ZSCAN5C: variants seen among roughly 807,000 people sequenced by gnomAD.
ZSCAN5C encodes the protein zinc finger and SCAN domain-containing protein 5C.
Under a neutral mutation model 17.3 loss-of-function variants are expected in ZSCAN5C, and 11 were observed. The ratio of observed to expected loss-of-function variants is 0.64; its 90% CI spans 0.40 to 1.06. The LOEUF (loss-of-function observed/expected upper bound fraction) is 1.06. ZSCAN5C is among the 50% of genes least tolerant of loss of function. The pLI is 0.00. For missense variants in ZSCAN5C, 698 were observed against 538.9 expected (o/e 1.30, Z -2.92); for synonymous variants, 229 against 208.4 (o/e 1.10, Z -0.85).
exon 3 of ZSCAN5C, chr19:56,207,229 C>A: frequency 1.3e-6 from 1 of 779,098 alleles, no homozygotes. Context: ...AGCTGCAGAC[C>A]CTGCCCAGGG....
chr19:56,205,114 C>A (rs754517811), intron 1 of ZSCAN5C, among the ~76,000 whole-genome samples: 12 of 151,510 alleles, frequency 7.9e-5, no homozygotes, highest in Non-Finnish European at 1.8e-4. Flanking sequence ...GGATGGGGTT[C>A]CTTTTAGGGT....
exon 2 of ZSCAN5C, chr19:56,205,917 G>A (rs2032914823): frequency 1.7e-6 from 2 of 1,159,008 alleles, no homozygotes; most frequent in South Asian, 1.2e-5. Flanking sequence ...AGTAGACATG[G>A]CTGCAAATTG....
chr19:56,208,025 C>T lies in ZSCAN5C; in HGVS notation c.589-9C>T. On this transcript the variant is annotated splice_polypyrimidine_tract_variant and intron_variant, in intron 3 of 4. Transcript: ENST00000534327. ...ATGGCAGTCATTGCTGTTGGTTTTCCATTCTCAGGAAGAGGACTTCCTGCT... is the reference window on the plus strand; with the variant it reads ...ATGGCAGTCATTGCTGTTGGTTTTCTATTCTCAGGAAGAGGACTTCCTGCT... 1.4e-6 allele frequency: 1 copy of T among 715,704 alleles called. No individual in the cohort carries two copies. Among genetic ancestry groups the T allele is most frequent in the Non-Finnish European group, 2.6e-6 (1 of 388,982 alleles). 44.3% of individuals were successfully genotyped at this position (715,704 alleles called of 1,614,324 possible). A position where few individuals can be genotyped will look rare whatever the true frequency, so the allele number is the denominator to read the frequency against.
At chr19:56,205,831 T>C in exon 2 of ZSCAN5C, 1 of 631,420 alleles carries the variant, frequency 1.6e-6, no homozygotes, top group Non-Finnish European at 2.8e-6. Flanking sequence ...AAACCAGGGG[T>C]GGCCTGTGTA....
chr19:56,206,825 C>A (rs1209852804), intron 2 of ZSCAN5C, among the ~76,000 whole-genome samples: 1 of 127,360 alleles, frequency 7.9e-6, no homozygotes, highest in African/African-American at 2.7e-5. Flanking sequence ...TTGGATTCAC[C>A]CAGAATATTT....
rs45622531 is a variant in ZSCAN5C, at chr19:56,209,018, G to C, written c.1309G>C (p.Glu437Gln). 3.4e-3 allele frequency: 5,495 copies of C among 1,612,980 alleles called. 19 individuals are homozygous for C. Among genetic ancestry groups the C allele is most frequent in the Non-Finnish European group, 4.0e-3 (4,730 of 1,179,220 alleles). ...GTGTCACAAGAGAAGCCACACAGGG[G>C]AGAAGCCCTTCGAATGTAAAGACTG... is the stretch of plus-strand genomic sequence containing the variant. Residue 437 changes from glutamate (E) to glutamine (Q), a missense_variant, in exon 5 of 5, where the codon GAG (glutamate) becomes CAG (glutamine). Transcript: ENST00000534327.
chr19:56,207,527 G>A (rs901863688), intron 3 of ZSCAN5C, among the ~76,000 whole-genome samples: 6 of 151,656 alleles, frequency 4.0e-5, no homozygotes, highest in South Asian at 2.1e-4. Flanking sequence ...AGTTGGCACA[G>A]ATGAATGAAC....
exon 2 of ZSCAN5C, chr19:56,206,003 A>C (rs779884935): frequency 6.2e-7 from 1 of 1,605,210 alleles, no homozygotes; most frequent in East Asian, 2.2e-5. Flanking sequence ...CATCCCCAGC[A>C]ACTCAACTTG....
intron 3 of ZSCAN5C, among the ~76,000 whole-genome samples, chr19:56,207,580 G>A (rs931778986): frequency 3.3e-5 from 5 of 151,834 alleles, no homozygotes; most frequent in Non-Finnish European, 7.3e-5. Context: ...GACATTTAAT[G>A]TAATAATTCA....
At chr19:56,206,010 C>A in exon 2 of ZSCAN5C, 2 of 1,610,408 alleles carry the variant, frequency 1.2e-6, no homozygotes, top group African/African-American at 1.3e-5. Context: ...AGCAACTCAA[C>A]TTGGAAATCA....
In ZSCAN5C at chr19:56,204,889, T is replaced by C. The variant is rs533072963; in HGVS notation, c.-127-898T>C. Among the ~76,000 whole-genome samples, 571 of 150,956 alleles carry C rather than the reference T, an allele frequency of 3.8e-3. 3 individuals carry two copies. Among genetic ancestry groups the C allele is most frequent in the Admixed American group, 6.7e-3 (102 of 15,170 alleles). On this transcript the variant is annotated intron_variant, in intron 1 of 4. Coordinates refer to ENST00000534327, the Ensembl canonical transcript of ZSCAN5C. ...GTGATAATTGATGCCTGGAGAGTAT[T>C]ACTCAGTGGCTCTTGCCTAATGAAG...
rs771189828 is a variant in ZSCAN5C at position 56,206,080 on chromosome 19, C to T, written c.167C>T (p.Ser56Leu). Residue 56 changes from serine (S) to leucine (L), a missense_variant, in exon 2 of 5, where the codon TCG becomes TTG. Physicochemically the swap from Ser to Leu is moderately radical, Grantham distance 145 (BLOSUM62 -2). Around this residue, in one of 3 missense-constraint regions of ZSCAN5C, gnomAD observed 100 missense variants for 74.6 expected, o/e 1.34. Transcript: ENST00000534327. ...AGGATGTTCAGCTGCCCGAAGGAGT[C>T]GGACCCCATCCAGGCTCTGAGGAAA... is the stretch of plus-strand genomic sequence containing the variant. The T allele has an allele frequency of 2.9e-5, 47 of 1,611,004 alleles. 1 individual carries two copies. In the African/African-American group the frequency reaches 3.6e-4, roughly 12 times the overall value.
intron 1 of ZSCAN5C, among the ~76,000 whole-genome samples, chr19:56,204,706 G>A (rs1023668841): frequency 6.6e-6 from 1 of 151,834 alleles, no homozygotes; most frequent in African/African-American, 2.4e-5. Flanking sequence ...CTTGCTCAAA[G>A]TCCTTCCAGG....
At chr19:56,207,089 C>T (rs2032929725) in exon 3 of ZSCAN5C, 1 of 740,176 alleles carries the variant, frequency 1.4e-6, no homozygotes, top group Non-Finnish European at 2.5e-6. Context: ...CAAGGAATAT[C>T]TTATGCAGGA....
Position 56,208,731 on chromosome 19 carries a change from C to G in ZSCAN5C, c.1022C>G (p.Pro341Arg). ...GTTCATTCCCCAGGCCCTGCGGGCC[C>G]AGTCAGTCACCCCAGTGGCCAAGAA... Residue 341 changes from proline to arginine, a missense_variant, in exon 5 of 5, where the codon CCA becomes CGA. Transcript: ENST00000534327. 3 of 1,611,564 alleles carry G rather than the reference C, an allele frequency of 1.9e-6. No homozygotes were observed. In the South Asian group the frequency reaches 3.3e-5, roughly 18 times the overall value.
intron 1 of ZSCAN5C, 51 bp from the exon 2 acceptor site, chr19:56,205,736 G>C (rs1468268438): frequency 1.8e-6 from 1 of 570,420 alleles, no homozygotes; most frequent in Non-Finnish European, 3.1e-6. Flanking sequence ...TGGAAGGATG[G>C]GGTGGGTAGA....
exon 4 of ZSCAN5C, chr19:56,208,184 A>G: frequency 1.3e-6 from 1 of 778,596 alleles, no homozygotes; most frequent in Non-Finnish European, 2.4e-6. Context: ...AAACAGTCCC[A>G]GTAAGTATGA....
chr19:56,207,064 A>G (rs779444810), exon 3 of ZSCAN5C: 113 of 719,378 alleles, frequency 1.6e-4, no homozygotes, highest in Middle Eastern at 2.3e-4. Context: ...TATAGTCTGT[A>G]GTCAGTTTTC....
At position 56,205,744 on chromosome 19, in the gene ZSCAN5C, A is replaced by G. The variant is rs1049536391; in HGVS notation, c.-127-43A>G. The stretch of plus-strand genomic sequence containing the variant: ...AGGGATTTGGAAGGATGGGGTGGGT[A>G]GAGTAGAAACTTTAACAGAGCTCAT... On this transcript the variant is annotated intron_variant, in intron 1 of 4. Transcript: ENST00000534327. 2.1e-5 allele frequency: 12 copies of G among 574,942 alleles called. No homozygotes were observed. In the Admixed American group the frequency reaches 2.4e-4, roughly 12 times the overall value. The allele number at this position is 574,942 out of a possible 1,614,324, so 35.6% of individuals were successfully genotyped here.
Sources: allele counts gnomAD v4.1 joint callset (sites outside exome capture counted in the v4.1 genomes callset), GRCh38; gene constraint gnomAD v4.1.1; regional missense constraint gnomAD v4.1.1; transcripts MANE v1.5; gene names NCBI Gene and HGNC (gene_info 2026-07-23, HGNC 2026-07-21).